The following LGR4 variants were observed in gnomAD, a reference collection of about 807,000 sequenced individuals.
The protein encoded by LGR4 is leucine rich repeat containing G protein-coupled receptor 4, also known as leucine-rich repeat-containing G protein-coupled receptor 4.
A neutral mutation model predicts 84.8 loss-of-function variants in LGR4; 44 were observed. The ratio of observed to expected loss-of-function variants is 0.52; its 90% CI spans 0.41 to 0.67. The LOEUF (loss-of-function observed/expected upper bound fraction) is 0.67. Among genes scored for constraint, LGR4 ranks in the 30% least tolerant of loss-of-function variants. LGR4 has a pLI of 0.00. For synonymous variants in LGR4, 429 were observed against 434.3 expected (o/e 0.99, Z 0.15); for missense variants, 1,032 against 1,131.4 (o/e 0.91, Z 1.26).
At chr11:27,404,163 T>G (rs1863557102) in intron 2 of LGR4, among the ~76,000 whole-genome samples, 2 of 152,168 alleles carry the variant, frequency 1.3e-5, no homozygotes, top group South Asian at 2.1e-4. Flanking sequence ...CAGTATTGAT[T>G]AAAATAAATA....
intron 1 of LGR4, among the ~76,000 whole-genome samples, chr11:27,466,130 T>C (rs1319728315): frequency 1.3e-5 from 2 of 152,232 alleles, no homozygotes; most frequent in Non-Finnish European, 2.9e-5. Context: ...AGGTGTCTTA[T>C]AAAGAATACT....
At chr11:27,460,145 T>C (rs1352423160) in intron 1 of LGR4, among the ~76,000 whole-genome samples, 1 of 152,174 alleles carries the variant, frequency 6.6e-6, no homozygotes, top group Non-Finnish European at 1.5e-5. Flanking sequence ...TTTCATGTTC[T>C]TGACCATCTC....
At chr11:27,406,827 C>G (rs908209933) in intron 2 of LGR4, among the ~76,000 whole-genome samples, 1 of 152,136 alleles carries the variant, frequency 6.6e-6, no homozygotes, top group African/African-American at 2.4e-5. Flanking sequence ...AACTATTTTG[C>G]TTTTTCTGGG....
chr11:27,405,089 T>C (rs1863578988), intron 2 of LGR4, among the ~76,000 whole-genome samples: 1 of 152,160 alleles, frequency 6.6e-6, no homozygotes, highest in African/African-American at 2.4e-5. Flanking sequence ...AACCACCTAT[T>C]AGCAGTCCCC....
intron 1 of LGR4, among the ~76,000 whole-genome samples, chr11:27,440,158 G>A (rs1029411365): frequency 1.3e-5 from 2 of 151,962 alleles, no homozygotes; most frequent in African/African-American, 4.8e-5. Flanking sequence ...TGCCCGCCTC[G>A]GCCTCCTAAA....
intron 6 of LGR4, among the ~76,000 whole-genome samples, chr11:27,383,565 G>T (rs1374525233): frequency 1.3e-5 from 2 of 152,098 alleles, no homozygotes; most frequent in Non-Finnish European, 2.9e-5. Context: ...AGTCCTAAAA[G>T]ATTTTAAGTC....
intron 1 of LGR4, among the ~76,000 whole-genome samples, chr11:27,460,238 G>A (rs1267955848): frequency 2.0e-5 from 3 of 152,084 alleles, no homozygotes; most frequent in African/African-American, 7.2e-5. Context: ...ACCTGAAACC[G>A]AGCTCCCAAG....
At chr11:27,377,755 C>G (rs1863013974) in intron 11 of LGR4, among the ~76,000 whole-genome samples, 1 of 152,110 alleles carries the variant, frequency 6.6e-6, no homozygotes, top group Admixed American at 6.6e-5. Context: ...TTCAGTCCCA[C>G]TGCAGTTTTT....
At chr11:27,372,053 G>GTTTTATATAT (rs1397187635) in intron 16 of LGR4, among the ~76,000 whole-genome samples, 1 of 152,030 alleles carries the variant, frequency 6.6e-6, no homozygotes, top group Non-Finnish European at 1.5e-5. Context: ...TTTATATAGA[G>GTTTTATATAT]AGAGTCTCAC....
chr11:27,381,830 G>A (rs1418614061), intron 7 of LGR4, among the ~76,000 whole-genome samples: 1 of 152,078 alleles, frequency 6.6e-6, no homozygotes, highest in African/African-American at 2.4e-5. Flanking sequence ...ACTTCAATTA[G>A]GTATTCTTCC....
intron 2 of LGR4, among the ~76,000 whole-genome samples, chr11:27,395,330 G>A (rs1438620352): frequency 1.3e-5 from 2 of 151,596 alleles, no homozygotes; most frequent in Non-Finnish European, 2.9e-5. Context: ...CTTTCCTTGA[G>A]TTCAGCCTAT....
chr11:27,371,816 CAT>C (rs1258277220), intron 16 of LGR4, 118 bp from the exon 17 acceptor site: 2 of 688,418 alleles, frequency 2.9e-6, no homozygotes, highest in East Asian at 5.4e-5. Context: ...GGTTCAATAA[CAT>C]ATTAAAGATG....
At chr11:27,377,600 G>A (rs368558275) in intron 11 of LGR4, among the ~76,000 whole-genome samples, 15 of 151,472 alleles carry the variant, frequency 9.9e-5, no homozygotes, top group Non-Finnish European at 1.9e-4. Context: ...GTATTTATAC[G>A]GTTTAAAAAT....
chr11:27,415,393 C>T (rs1032459476), intron 1 of LGR4, among the ~76,000 whole-genome samples: 2 of 152,062 alleles, frequency 1.3e-5, no homozygotes, highest in Non-Finnish European at 2.9e-5. Flanking sequence ...CAGAAAAAGA[C>T]ACATAATTAG....
intron 1 of LGR4, among the ~76,000 whole-genome samples, chr11:27,429,178 T>C (rs1864074003): frequency 6.6e-6 from 1 of 152,112 alleles, no homozygotes; most frequent in South Asian, 2.1e-4. Flanking sequence ...TTTCTAGATA[T>C]AACCAGAGTT....
rs1863170283 is a variant in LGR4 at position 27,385,442 on chromosome 11, G to A, written c.428C>T (p.Ser143Leu). The A allele has an allele frequency of 7.5e-6, 12 of 1,607,222 alleles. No individual in the cohort carries two copies. Among genetic ancestry groups the A allele is most frequent in the South Asian group, 2.2e-5 (2 of 89,234 alleles). ...TCCTTCAAAACTGTCCTCGGGGACT[G>A]AGGTAATATGGTTGGCATCTAAACG... ...SLRLDANHIT[S>L]VPEDSFEGLV... The change falls in exon 5 of 18, where the codon TCA (serine) becomes TTA (leucine). Residue 143 changes from serine (S) to leucine (L), a missense_variant. By Grantham distance (145) the Ser-to-Leu change is moderately radical. Coordinates refer to ENST00000379214, the MANE Select transcript of LGR4 (RefSeq NM_018490.5).
chr11:27,461,675 A>AT (rs1864684476), intron 1 of LGR4, among the ~76,000 whole-genome samples: 1 of 150,092 alleles, frequency 6.7e-6, no homozygotes, highest in Non-Finnish European at 1.5e-5. Context: ...CCGTTAGTAT[A>AT]TTTTATGTGT....
At chr11:27,373,263 T>A (rs1215543664) in intron 15 of LGR4, 1 of 225,064 alleles carries the variant, frequency 4.4e-6, no homozygotes, top group Non-Finnish European at 8.6e-6. Flanking sequence ...ATTTACATGG[T>A]TTCTGCCATC....
rs768385937 is a variant in LGR4 at position 27,368,538 on chromosome 11, A to G, written c.2185T>C (p.Tyr729His). 2 of 1,614,074 alleles carry G rather than the reference A, an allele frequency of 1.2e-6. No individual in the cohort carries two copies. The highest frequency in any genetic ancestry group is 1.7e-6 in the Non-Finnish European group (2 of 1,179,924). ...AGGTCCTCTTTTTCCAAGTTGCAGTATAGTTTAGTGTAGATAACGGCCATT... is the reference window on the plus strand; with the variant it reads ...AGGTCCTCTTTTTCCAAGTTGCAGTGTAGTTTAGTGTAGATAACGGCCATT... ...LLMAVIYTKL[Y>H]CNLEKEDLSE... Residue 729 changes from tyrosine to histidine, a missense_variant, in exon 18 of 18, where the codon TAC becomes CAC. Coordinates refer to ENST00000379214, the MANE Select transcript of LGR4 (RefSeq NM_018490.5).
Sources: allele counts gnomAD v4.1 joint callset (sites outside exome capture counted in the v4.1 genomes callset), GRCh38; gene constraint gnomAD v4.1.1; transcripts MANE v1.5; gene names NCBI Gene and HGNC (gene_info 2026-07-23, HGNC 2026-07-21).